SLTM: variants seen among roughly 807,000 people sequenced by gnomAD.
The protein encoded by SLTM is SAFB like transcription modulator, also known as SAFB-like transcription modulator.
Under a neutral mutation model 134.6 loss-of-function variants are expected in SLTM, and 43 were observed. The observed-to-expected ratio is 0.32, with a 90% CI of 0.25 to 0.41. The LOEUF (loss-of-function observed/expected upper bound fraction) is 0.41, where lower values mean the gene tolerates loss of function less well. SLTM is among the 10% of genes least tolerant of loss of function. The probability of loss-of-function intolerance (pLI) is 1.00; values close to 1 mark genes in which losing one functional copy is unlikely to be tolerated. For synonymous variants in SLTM, 424 were observed against 432.3 expected, an observed-to-expected ratio of 0.98 and a Z score of 0.24; for missense variants, 1,055 against 1,288.8, an observed-to-expected ratio of 0.82 and a Z score of 2.78.
At position 58,903,605 on chromosome 15, in the gene SLTM, T is replaced by C. The variant is rs553005147; in HGVS notation, c.562-2318A>G. ...TGACGCTAAATGATGAGTTAACGGG[T>C]GCAGCACACCAACATGGCACATGTA... On this transcript the variant is annotated intron_variant, in intron 5 of 20. Transcript: ENST00000380516. Among the ~76,000 whole-genome samples, 22 of 151,766 alleles carry C rather than the reference T, an allele frequency of 1.4e-4. No homozygotes were observed. The South Asian group carries it at 4.4e-3, about 30-fold the overall frequency.
At chr15:58,880,900 G>A (rs1023591939) in intron 20 of SLTM, among the ~76,000 whole-genome samples, 1 of 152,120 alleles carries the variant, frequency 6.6e-6, no homozygotes, top group African/African-American at 2.4e-5. Flanking sequence ...AGGTGATTCT[G>A]TTGTTTGCTA....
intron 2 of SLTM, among the ~76,000 whole-genome samples, chr15:58,925,809 G>C (rs560535761): frequency 7.2e-5 from 11 of 152,290 alleles, no homozygotes; most frequent in African/African-American, 2.6e-4. Flanking sequence ...ACACAAGACT[G>C]TCAAAGGTAA....
In SLTM at chr15:58,918,030, A is replaced by G. The variant is rs185104473; in HGVS notation, c.251-1031T>C. ...TAGCCTCCCAAAGTGCTAGGATTAC[A>G]GGCACTGAGCCATTGCGCCCAGCTG... On this transcript the variant is annotated intron_variant, in intron 2 of 20. Transcript: ENST00000380516. 1.7e-3 allele frequency among the ~76,000 whole-genome samples: 265 copies of G among 152,132 alleles called. 3 individuals carry two copies. The highest frequency in any genetic ancestry group is 1.0e-3 in the South Asian group (5 of 4,812).
chr15:58,884,219 G>C (rs1423009646), intron 19 of SLTM, among the ~76,000 whole-genome samples: 1 of 152,142 alleles, frequency 6.6e-6, no homozygotes, highest in Non-Finnish European at 1.5e-5. Flanking sequence ...AAAAGGATGA[G>C]TAGTGCAGCA....
intron 2 of SLTM, among the ~76,000 whole-genome samples, chr15:58,924,337 C>T (rs1278316955): frequency 6.6e-6 from 1 of 152,050 alleles, no homozygotes; most frequent in Non-Finnish European, 1.5e-5. Context: ...ACGTATATAC[C>T]AGAGAAAGAC....
chr15:58,885,876 GAC>G (rs1311409143), intron 19 of SLTM, among the ~76,000 whole-genome samples: 1 of 151,946 alleles, frequency 6.6e-6, no homozygotes, highest in Non-Finnish European at 1.5e-5. Context: ...ATATAATGGA[GAC>G]ACACACACTG....
At position 58,897,102 on chromosome 15, in the gene SLTM, A is replaced by G. The variant is rs201304331; in HGVS notation, c.1227+13T>C. ...ACACCAGAAAGACAGATAAAAAGGTAAAAAGAATGTACCTTTCCATATTTG... is the reference window on the plus strand; with the variant it reads ...ACACCAGAAAGACAGATAAAAAGGTGAAAAGAATGTACCTTTCCATATTTG... On this transcript the variant is annotated intron_variant, in intron 9 of 20. Transcript: ENST00000380516. 3.7e-5 allele frequency: 55 copies of G among 1,506,120 alleles called. No individual in the cohort carries two copies. The highest frequency in any genetic ancestry group is 4.7e-5 in the Non-Finnish European group (51 of 1,082,366). 93.3% of individuals were successfully genotyped at this position (1,506,120 alleles called of 1,614,324 possible).
intron 2 of SLTM, among the ~76,000 whole-genome samples, chr15:58,929,541 A>G (rs1464271223): frequency 2.0e-5 from 3 of 152,198 alleles, no homozygotes; most frequent in African/African-American, 7.2e-5. Context: ...TGATATTTTA[A>G]TAAGTTTCCC....
intron 2 of SLTM, among the ~76,000 whole-genome samples, chr15:58,925,073 T>TAA (rs61197202): frequency 0.059 from 7,308 of 124,846 alleles, 501 homozygotes; most frequent in African/African-American, 0.18. Context: ...GATAAAATGT[T>TAA]AAAAAAAAAA....
chr15:58,903,534 G>A (rs2141052606), intron 5 of SLTM, among the ~76,000 whole-genome samples: 1 of 135,980 alleles, frequency 7.4e-6, no homozygotes, highest in Non-Finnish European at 1.6e-5. Flanking sequence ...GCTTAAGAAT[G>A]TGCATCTGAC....
intron 2 of SLTM, among the ~76,000 whole-genome samples, chr15:58,922,691 G>A (rs896118858): frequency 2.0e-5 from 3 of 146,774 alleles, no homozygotes; most frequent in Non-Finnish European, 4.5e-5. Context: ...ATATAAAACC[G>A]ATATTCAAGC....
Position 58,932,385 on chromosome 15 carries a change from G to A in SLTM, c.221C>T (p.Thr74Ile). The change falls in exon 2 of 21, where the codon ACT (threonine) becomes ATT (isoleucine). Residue 74 changes from threonine (T) to isoleucine (I), a missense_variant. Around this residue, in one of 3 missense-constraint regions of SLTM, gnomAD observed 268 missense variants for 284.3 expected, o/e 0.94. Transcript: ENST00000380516. ...GCCTTTAGTTGGTTTCTTGTTTGGAGTATCAGTTGAAACAGTTAATTCAAT... is the reference window on the plus strand; with the variant it reads ...GCCTTTAGTTGGTTTCTTGTTTGGAATATCAGTTGAAACAGTTAATTCAAT... ...DNIELTVSTD[T>I]PNKKPTKGKG... 1 of 1,613,348 alleles carries A rather than the reference G, an allele frequency of 6.2e-7. No homozygotes were observed. Among genetic ancestry groups the A allele is most frequent in the Non-Finnish European group, 8.5e-7 (1 of 1,179,384 alleles).
chr15:58,924,987 A>C (rs1327664098), intron 2 of SLTM, among the ~76,000 whole-genome samples: 2 of 151,856 alleles, frequency 1.3e-5, no homozygotes, highest in Non-Finnish European at 2.9e-5. Flanking sequence ...TCCCAGCCTA[A>C]GGAAATTTTA....
intron 13 of SLTM, 62 bp from the exon 14 acceptor site, chr15:58,893,122 T>A (rs2034795487): frequency 6.7e-7 from 1 of 1,488,592 alleles, no homozygotes; most frequent in South Asian, 1.3e-5. Flanking sequence ...ATTTTTCAAG[T>A]TTAGTAGGTC....
chr15:58,909,208 T>G (rs1420181248), intron 5 of SLTM, among the ~76,000 whole-genome samples: 4 of 152,224 alleles, frequency 2.6e-5, no homozygotes, highest in African/African-American at 9.6e-5. Context: ...AGGATCATGT[T>G]GAGAAGACTC....
intron 2 of SLTM, 103 bp downstream of exon 2, chr15:58,932,253 A>C (rs2141267403): frequency 4.9e-6 from 4 of 817,434 alleles, no homozygotes; most frequent in Non-Finnish European, 8.3e-6. Flanking sequence ...CCAGAGGGAA[A>C]TAGCAAAGAG....
intron 1 of SLTM, among the ~76,000 whole-genome samples, chr15:58,932,731 C>A (rs902942614): frequency 1.2e-4 from 19 of 152,170 alleles, no homozygotes; most frequent in African/African-American, 4.6e-4. Context: ...TGTTCTATTG[C>A]AGAAAAGTTG....
chr15:58,913,634 A>G lies in SLTM; in HGVS notation c.378T>C (p.Ser126=), dbSNP rs781105933. 7 of 1,613,502 alleles carry G rather than the reference A, an allele frequency of 4.3e-6. No homozygotes were observed. The African/African-American group carries it at 9.3e-5, about 22-fold the overall frequency. Residue 126 remains serine (S), a synonymous_variant, in exon 4 of 21, where the codon TCT becomes TCC. Coordinates refer to ENST00000380516, the MANE Select transcript of SLTM (RefSeq NM_024755.4). ...CTTCTTCATTTTCACCAAATTCTTC[A>G]GAGTCCTTTAGTTCATCATTTCCAT... ...EQDGNDELKD[S]EEFGENEEEN...
In SLTM at chr15:58,885,952, C is replaced by T. The variant is rs538901187; in HGVS notation, c.2835+1023G>A. Among the ~76,000 whole-genome samples the T allele has an allele frequency of 3.7e-4, 57 of 152,278 alleles. 1 individual carries two copies. The South Asian group carries it at 0.01, about 28-fold the overall frequency. ...CTAACTGTGCTACTATCAACCCACACGCCAGTATTTCATCAGTAGAAGAAT... is the reference window on the plus strand; with the variant it reads ...CTAACTGTGCTACTATCAACCCACATGCCAGTATTTCATCAGTAGAAGAAT... On this transcript the variant is annotated intron_variant, in intron 19 of 20. Coordinates refer to ENST00000380516, the MANE Select transcript of SLTM (RefSeq NM_024755.4).
Sources: allele counts gnomAD v4.1 joint callset (sites outside exome capture counted in the v4.1 genomes callset), GRCh38; gene constraint gnomAD v4.1.1; regional missense constraint gnomAD v4.1.1; transcripts MANE v1.5; gene names NCBI Gene and HGNC (gene_info 2026-07-23, HGNC 2026-07-21).